Variants in C1QTNF6 observed in about 807,000 individuals in gnomAD.
C1QTNF6 encodes C1q and TNF related 6, also known as complement C1q tumor necrosis factor-related protein 6.
C1QTNF6 carries 17 observed loss-of-function variants against 20.7 expected under a neutral mutation model. That is an observed-to-expected ratio of 0.82 (90% CI 0.56 to 1.23). The LOEUF is 1.23. Among genes scored for constraint, C1QTNF6 ranks in the 50% most tolerant of loss-of-function variants. The probability of loss-of-function intolerance (pLI) is 0.00; values close to 1 mark genes in which losing one functional copy is unlikely to be tolerated. For synonymous variants in C1QTNF6, 130 were observed against 156.3 expected, an observed-to-expected ratio of 0.83 and a Z score of 1.25; for missense variants, 329 against 389.7, an observed-to-expected ratio of 0.84 and a Z score of 1.31.
At chr22:37,197,660 T>C (rs1345597705) in exon 1 of C1QTNF6, 4 of 152,240 alleles carry the variant, frequency 2.6e-5, no homozygotes, top group Non-Finnish European at 5.9e-5. Context: ...GAGAAGAGCC[T>C]CCTGTCCCTC....
At chr22:37,192,453 TC>T (rs35956552), upstream of C1QTNF6, among the ~76,000 whole-genome samples, 22,360 of 152,072 alleles carry the variant, frequency 0.15, 1,775 homozygotes, top group South Asian at 0.21. Context: ...ACTCGACAAG[TC>T]CCCAGGCCTT....
chr22:37,197,368 C>T (rs1432440361), intron 1 of C1QTNF6: 1 of 152,296 alleles, frequency 6.6e-6, no homozygotes, highest in African/African-American at 2.4e-5. Flanking sequence ...CAGCTCCTGC[C>T]TGGCTCCAAG....
upstream of C1QTNF6, among the ~76,000 whole-genome samples, chr22:37,193,259 A>G (rs558729930): frequency 1.1e-4 from 16 of 152,360 alleles, no homozygotes; most frequent in Non-Finnish European, 1.6e-4. Flanking sequence ...ATAACACAAT[A>G]CAAAACAGAG....
chr22:37,184,550 G>T lies in C1QTNF6; in HGVS notation c.289+668C>A. 1 of 648,022 alleles carries T rather than the reference G, an allele frequency of 1.5e-6. No homozygotes were observed. The highest frequency in any genetic ancestry group is 2.8e-6 in the Non-Finnish European group (1 of 355,082). The allele number at this position is 648,022 out of a possible 1,614,324, so 40.1% of individuals were successfully genotyped here. ...TCACCTGGACAGCCCTCACCTGGAT[G>T]GCCCTCACCTGGACAGGCCCCACAG... is the stretch of plus-strand genomic sequence containing the variant. On this transcript the variant is annotated intron_variant, in intron 2 of 2. Coordinates refer to ENST00000337843, the MANE Select transcript of C1QTNF6 (RefSeq NM_031910.4). The surrounding 1 kb of genome is among the most constrained non-coding windows in gnomAD (Gnocchi z 4.0).
chr22:37,186,461 C>G (rs1436688720), intron 1 of C1QTNF6, among the ~76,000 whole-genome samples: 2 of 152,198 alleles, frequency 1.3e-5, no homozygotes, highest in East Asian at 3.8e-4. Flanking sequence ...ACCTGCCAAT[C>G]AGATGCCAAG....
In C1QTNF6 at chr22:37,182,469, G is replaced by T. The variant is rs1324599515; in HGVS notation, c.556C>A (p.Pro186Thr). 1 of 1,614,276 alleles carries T rather than the reference G, an allele frequency of 6.2e-7. No homozygotes were observed. The highest frequency in any genetic ancestry group is 8.5e-7 in the Non-Finnish European group (1 of 1,180,052). The part of the protein sequence containing the change: ...FDMATGQFAA[P>T]LRGIYFFSLN... Reference sequence around the variant, plus strand: ...CTGAAGAAGTAGATGCCACGCAGGGGAGCAGCAAACTGGCCGGTCGCCATG... The same window carrying T: ...CTGAAGAAGTAGATGCCACGCAGGGTAGCAGCAAACTGGCCGGTCGCCATG... Residue 186 changes from proline (P) to threonine (T), a missense_variant, in exon 3 of 3, where the codon CCC (proline) becomes ACC (threonine). Transcript: ENST00000337843.
intron 2 of C1QTNF6, among the ~76,000 whole-genome samples, chr22:37,194,912 G>A (rs956849220): frequency 6.6e-6 from 1 of 152,216 alleles, no homozygotes; most frequent in African/African-American, 2.4e-5. Flanking sequence ...ATTGCCTGCC[G>A]GGGGGTGGAG....
chr22:37,199,407 A>T (rs1478922775), upstream of C1QTNF6: 1 of 152,508 alleles, frequency 6.6e-6, no homozygotes, highest in East Asian at 1.9e-4. Context: ...GCGGAGCCAC[A>T]GCCGCGCCGG....
chr22:37,185,536 C>T (rs1327755889), intron 1 of C1QTNF6, 81 bp from the exon 2 acceptor site: 42 of 1,443,526 alleles, frequency 2.9e-5, no homozygotes, highest in Non-Finnish European at 3.5e-5. Context: ...GCGGGTGCTG[C>T]GTCCTCCAGC....
At chr22:37,191,341 A>G (rs191752482), upstream of C1QTNF6, among the ~76,000 whole-genome samples, 200 of 152,322 alleles carry the variant, frequency 1.3e-3, no homozygotes, top group Non-Finnish European at 1.0e-3. Flanking sequence ...GGAGTTTCCC[A>G]TAATTTTGGA....
intron 1 of C1QTNF6, chr22:37,195,741 C>G (rs935893156): frequency 6.6e-6 from 1 of 152,196 alleles, no homozygotes; most frequent in Non-Finnish European, 1.5e-5. Flanking sequence ...GAGTTCCTCC[C>G]GCTTTTAGAC....
chr22:37,185,796 G>A (rs1924273779), intron 1 of C1QTNF6: 1 of 1,016,034 alleles, frequency 9.8e-7, no homozygotes, highest in Non-Finnish European at 1.2e-6. Flanking sequence ...GCTTTGCTGG[G>A]GCAGGTGAGA....
chr22:37,182,463 G>A lies in C1QTNF6; in HGVS notation c.562C>T (p.Arg188Cys), dbSNP rs151024529. The A allele has an allele frequency of 1.4e-5, 23 of 1,614,154 alleles. No homozygotes were observed. Among genetic ancestry groups the A allele is most frequent in the African/African-American group, 2.7e-5 (2 of 74,958 alleles). The change falls in exon 3 of 3, where the codon CGT becomes TGT. Residue 188 changes from arginine (R) to cysteine (C), a missense_variant. Coordinates refer to ENST00000337843, the MANE Select transcript of C1QTNF6 (RefSeq NM_031910.4). ...MATGQFAAPL[R>C]GIYFFSLNVH... ...TTGAGGCTGAAGAAGTAGATGCCACGCAGGGGAGCAGCAAACTGGCCGGTC... is the reference window on the plus strand; with the variant it reads ...TTGAGGCTGAAGAAGTAGATGCCACACAGGGGAGCAGCAAACTGGCCGGTC...
At chr22:37,193,312 C>T (rs75111326) in intron 2 of C1QTNF6, among the ~76,000 whole-genome samples, 2,316 of 152,280 alleles carry the variant, frequency 0.015, 59 homozygotes, top group African/African-American at 0.053. Context: ...CTTTCAATTC[C>T]TGGGGGTGTC....
chr22:37,189,451 G>A (rs1385751988), upstream of C1QTNF6, among the ~76,000 whole-genome samples: 1 of 152,086 alleles, frequency 6.6e-6, no homozygotes, highest in Non-Finnish European at 1.5e-5. Flanking sequence ...TATTCAAGAT[G>A]GAGTTGCCCT....
At chr22:37,193,602 C>T (rs996877383) in intron 2 of C1QTNF6, among the ~76,000 whole-genome samples, 1 of 152,188 alleles carries the variant, frequency 6.6e-6, no homozygotes, top group African/African-American at 2.4e-5. Context: ...AATCTTGTTA[C>T]CAGACTCTAG....
At position 37,182,685 on chromosome 22, in the gene C1QTNF6, C is replaced by G; in HGVS notation, c.340G>C (p.Glu114Gln). ...GGGCCAGGCTCCCCTTGGGGACCCT[C>G]CCTGCCCATGTACCCTGGCAGGCCC... is the stretch of plus-strand genomic sequence containing the variant. ...PMGLPGYMGR[E>Q]GPQGEPGPQG... is the part of the protein sequence containing the mutation. Residue 114 changes from glutamate (E) to glutamine (Q), a missense_variant, in exon 3 of 3, where the codon GAG (glutamate) becomes CAG (glutamine). Coordinates refer to ENST00000337843, the MANE Select transcript of C1QTNF6 (RefSeq NM_031910.4). 6.2e-7 allele frequency: 1 copy of G among 1,612,846 alleles called. No individual in the cohort carries two copies. The highest frequency in any genetic ancestry group is 8.5e-7 in the Non-Finnish European group (1 of 1,179,930).
chr22:37,188,413 G>T, upstream of C1QTNF6: 2 of 486,688 alleles, frequency 4.1e-6, no homozygotes, highest in South Asian at 6.6e-5. Flanking sequence ...GAGATAAAGG[G>T]AGGCAGGGAT....
chr22:37,190,527 A>AACC (rs1924749170), upstream of C1QTNF6: 1 of 152,216 alleles, frequency 6.6e-6, no homozygotes, highest in Non-Finnish European at 1.5e-5. Context: ...CTATACAGGG[A>AACC]CTTCATACAC....
Sources: allele counts gnomAD v4.1 joint callset (sites outside exome capture counted in the v4.1 genomes callset), GRCh38; gene constraint gnomAD v4.1.1; non-coding constraint Gnocchi (gnomAD v3.1); transcripts MANE v1.5; gene names NCBI Gene and HGNC (gene_info 2026-07-23, HGNC 2026-07-21).